GAA: variants seen among roughly 807,000 people sequenced by gnomAD.
GAA encodes alpha glucosidase.
In GAA, 88 loss-of-function variants were observed where a neutral mutation model predicts 103.9. That is an observed-to-expected ratio of 0.85 (90% CI 0.71 to 1.01). GAA has a LOEUF of 1.01. Ranked by LOEUF, GAA falls within the 50% of genes least tolerant of loss-of-function variation. GAA has a pLI of 0.00. For synonymous variants in GAA, 572 were observed against 563.1 expected, an observed-to-expected ratio of 1.02 and a Z score of -0.22; for missense variants, 1,350 against 1,305.3, an observed-to-expected ratio of 1.03 and a Z score of -0.53.
chr17:80,112,805 G>A (rs1416779735), intron 13 of GAA, 71 bp from the exon 14 acceptor site: 5 of 1,578,888 alleles, frequency 3.2e-6, no homozygotes, highest in Non-Finnish European at 3.4e-6. Context: ...AGCAGGTGGG[G>A]CTCTGGGTCA....
At chr17:80,109,199 C>T (rs1026651757) in intron 8 of GAA, among the ~76,000 whole-genome samples, 6 of 152,188 alleles carry the variant, frequency 3.9e-5, no homozygotes, top group Non-Finnish European at 5.9e-5. Context: ...GCCTTCTGGC[C>T]GTGCCTCTCC....
chr17:80,112,390 C>A (rs995083934), intron 12 of GAA, 188 bp from the exon 13 acceptor site: 1 of 736,868 alleles, frequency 1.4e-6, no homozygotes, highest in Non-Finnish European at 2.3e-6. Flanking sequence ...CCTGGCTCAC[C>A]TACAGGCATC....
Position 80,117,613 on chromosome 17 carries a change from C to T in GAA, c.2345C>T (p.Ala782Val), listed in dbSNP as rs994916972. 10 of 1,612,774 alleles carry T rather than the reference C, an allele frequency of 6.2e-6. No homozygotes were observed. The highest frequency in any genetic ancestry group is 8.5e-6 in the Non-Finnish European group (10 of 1,179,976). ...ATCTCCCTCCAGGTGCCAGTAGAGG[C>T]CCTTGGCAGCCTCCCACCCCCACCT... ...WYDLQTVPVE[A>V]LGSLPPPPAA... The change falls in exon 17 of 20, where the codon GCC becomes GTC. Residue 782 changes from alanine to valine, a missense_variant. Physicochemically the swap from Ala to Val is moderately conservative, Grantham distance 64. Transcript: ENST00000302262.
chr17:80,116,289 T>A lies in GAA; in HGVS notation c.2190-679T>A, dbSNP rs147713494. ...CATTTGTGGAAAGCAACAGTACATATCAGTCAATGTTTTTGAGATTCACAT... is the reference window on the plus strand; with the variant it reads ...CATTTGTGGAAAGCAACAGTACATAACAGTCAATGTTTTTGAGATTCACAT... On this transcript the variant is annotated intron_variant, in intron 15 of 19. Transcript: ENST00000302262. Among the ~76,000 whole-genome samples, 21 of 152,316 alleles carry A rather than the reference T, an allele frequency of 1.4e-4. No individual in the cohort carries two copies. The East Asian group carries it at 4.0e-3, about 29-fold the overall frequency.
At position 80,107,382 on chromosome 17, in the gene GAA, G is replaced by T. The variant is rs528964318; in HGVS notation, c.693-175G>T. Among the ~76,000 whole-genome samples the T allele has an allele frequency of 3.9e-5, 6 of 152,326 alleles. No individual in the cohort carries two copies. In the East Asian group the frequency reaches 1.2e-3, roughly 29 times the overall value. On this transcript the variant is annotated intron_variant, in intron 3 of 19. Transcript: ENST00000302262. The stretch of plus-strand genomic sequence containing the variant: ...GAGAGTTGATCACGCTGGTGCCAGG[G>T]TGCCAAGGGCTGCAGGGCTCGGCAC...
chr17:80,104,847 C>T lies in GAA; in HGVS notation c.261C>T (p.Asn87=), dbSNP rs1052555748. The T allele has an allele frequency of 1.2e-6, 2 of 1,612,930 alleles. No homozygotes were observed. Among genetic ancestry groups the T allele is most frequent in the Non-Finnish European group, 1.7e-6 (2 of 1,179,944 alleles). ...AVPTQCDVPP[N]SRFDCAPDKA... is the part of the protein sequence containing the mutation. ...CCACACAGTGCGACGTCCCCCCCAACAGCCGCTTCGATTGCGCCCCTGACA... is the reference window on the plus strand; with the variant it reads ...CCACACAGTGCGACGTCCCCCCCAATAGCCGCTTCGATTGCGCCCCTGACA... The change falls in exon 2 of 20, where the codon AAC becomes AAT. Residue 87 remains asparagine, a synonymous_variant. Coordinates refer to ENST00000302262, the MANE Select transcript of GAA (RefSeq NM_000152.5). This position sits in a 1 kb window ranked among gnomAD's most constrained non-coding sequence, Gnocchi z 4.0.
At position 80,117,090 on chromosome 17, in the gene GAA, C is replaced by T. The variant is rs775746629; in HGVS notation, c.2312C>T (p.Thr771Ile). Residue 771 changes from threonine to isoleucine, a missense_variant, in exon 16 of 20, where the codon ACA becomes ATA. Transcript: ENST00000302262. ...AEVTGYFPLG[T>I]WYDLQTVPVE... ...GTGACTGGCTACTTCCCCTTGGGCA[C>T]ATGGTACGACCTGCAGACGGTGAGT... The T allele has an allele frequency of 3.7e-6, 6 of 1,613,076 alleles. No individual in the cohort carries two copies. The highest frequency in any genetic ancestry group is 5.1e-6 in the Non-Finnish European group (6 of 1,180,026).
intron 12 of GAA, 42 bp downstream of exon 12, chr17:80,112,142 C>T (rs1402414392): frequency 1.9e-6 from 3 of 1,568,732 alleles, no homozygotes; most frequent in Non-Finnish European, 2.6e-6. Flanking sequence ...GCCCTCACAG[C>T]CTGTCCTACA....
chr17:80,105,237 C>A (rs2039053397), intron 2 of GAA, 105 bp downstream of exon 2: 2 of 1,182,326 alleles, frequency 1.7e-6, no homozygotes, highest in Admixed American at 2.3e-5. Flanking sequence ...CCACTGTGTG[C>A]TGGGCCCTTG....
rs1356743231 is a variant in GAA, at chr17:80,107,797, C to T, written c.859-3C>T. The T allele has an allele frequency of 5.0e-6, 8 of 1,611,382 alleles. No individual in the cohort carries two copies. The highest frequency in any genetic ancestry group is 5.9e-6 in the Non-Finnish European group (7 of 1,179,406). On this transcript the variant is annotated splice_region_variant and splice_polypyrimidine_tract_variant and intron_variant, in intron 4 of 19. Transcript: ENST00000302262. ...CTGAAGCGCCGTCTCCTGCATGTCC[C>T]AGCCCGGTGCGAACCTCTACGGGTC...
intron 1 of GAA, chr17:80,102,365 C>T (rs941996652): frequency 6.6e-6 from 1 of 152,270 alleles, no homozygotes; most frequent in African/African-American, 2.4e-5. Flanking sequence ...CCCTTGGAAA[C>T]CGAGTGATGA....
rs530015985 is a variant in GAA at position 80,112,222 on chromosome 17, C to T, written c.1754+122C>T. ...GCCCAGACCACCCGGGGCCCGCTGG[C>T]GGCCCGAGTGCTCTCCCCACCCGCT... On this transcript the variant is annotated intron_variant, in intron 12 of 19. Coordinates refer to ENST00000302262, the MANE Select transcript of GAA (RefSeq NM_000152.5). 6,141 of 977,940 alleles carry T rather than the reference C, an allele frequency of 6.3e-3. 27 individuals carry two copies. The highest frequency in any genetic ancestry group is 8.4e-3 in the Non-Finnish European group (5,246 of 623,456). 60.6% of individuals were successfully genotyped at this position (977,940 alleles called of 1,614,324 possible).
At position 80,117,032 on chromosome 17, in the gene GAA, A is replaced by G; in HGVS notation, c.2254A>G (p.Ile752Val). Residue 752 changes from isoleucine (I) to valine (V), a missense_variant, in exon 16 of 20, where the codon ATC (isoleucine) becomes GTC (valine). Coordinates refer to ENST00000302262, the MANE Select transcript of GAA (RefSeq NM_000152.5). ...GCTCCTGTGGGGGGAGGCCCTGCTC[A>G]TCACCCCAGTGCTCCAGGCCGGGAA... ...HQLLWGEALLITPVLQAGKAE... is the reference protein window; with the variant it reads ...HQLLWGEALLVTPVLQAGKAE... 2 of 1,613,540 alleles carry G rather than the reference A, an allele frequency of 1.2e-6. No individual in the cohort carries two copies. Among genetic ancestry groups the G allele is most frequent in the East Asian group, 2.2e-5 (1 of 44,876 alleles).
intron 15 of GAA, among the ~76,000 whole-genome samples, chr17:80,113,630 A>G (rs1404186853): frequency 6.6e-6 from 1 of 152,238 alleles, no homozygotes; most frequent in Non-Finnish European, 1.5e-5. Flanking sequence ...CCAGAGAGTG[A>G]GGTGATTAGT....
Position 80,116,959 on chromosome 17 carries a change from C to G in GAA, c.2190-9C>G. 1 of 1,613,710 alleles carries G rather than the reference C, an allele frequency of 6.2e-7. No homozygotes were observed. Among genetic ancestry groups the G allele is most frequent in the Non-Finnish European group, 8.5e-7 (1 of 1,180,016 alleles). On this transcript the variant is annotated splice_polypyrimidine_tract_variant and intron_variant, in intron 15 of 19. Transcript: ENST00000302262. ...CACCCGTATGCCTGTGTGCCCATCC[C>G]CCTTGCAGGTTCCCCAAGGACTCTA...
chr17:80,118,115 C>G (rs1567840108), intron 17 of GAA, 78 bp from the exon 18 acceptor site: 1 of 1,506,768 alleles, frequency 6.6e-7, no homozygotes, highest in South Asian at 1.2e-5. Context: ...GCTGTACCAG[C>G]CTAGCATTCC....
chr17:80,111,769 C>T, intron 11 of GAA: 1 of 583,814 alleles, frequency 1.7e-6, no homozygotes, highest in South Asian at 2.0e-5. Flanking sequence ...CAGCACCCGC[C>T]CAGCCCTGTC....
intron 1 of GAA, among the ~76,000 whole-genome samples, chr17:80,103,163 C>G (rs563746709): frequency 3.3e-5 from 5 of 152,316 alleles, no homozygotes; most frequent in African/African-American, 1.2e-4. Flanking sequence ...TTCACTTCTT[C>G]CTGGTATGTG....
intron 2 of GAA, 148 bp downstream of exon 2, chr17:80,105,280 C>T (rs964576106): frequency 6.4e-5 from 52 of 809,318 alleles, no homozygotes; most frequent in African/African-American, 2.9e-4. Flanking sequence ...ACAATGGCAG[C>T]GCCCCTCGGG....
Sources: gnomAD v4.1 joint callset for allele counts (sites outside exome capture counted in the v4.1 genomes callset) on GRCh38, gnomAD v4.1.1 for gene constraint, Gnocchi (gnomAD v3.1) non-coding constraint, MANE v1.5 for transcripts, NCBI Gene and HGNC (gene_info 2026-07-23, HGNC 2026-07-21) for gene names.